The following RIN2 variants were observed in gnomAD, a reference collection of about 807,000 sequenced individuals.
The protein encoded by RIN2 is RAB5 interacting protein 2.
Under a neutral mutation model 78.0 loss-of-function variants are expected in RIN2, and 36 were observed. The ratio of observed to expected loss-of-function variants is 0.46; its 90% CI spans 0.35 to 0.61. The LOEUF (loss-of-function observed/expected upper bound fraction) is 0.61, where lower values mean the gene tolerates loss of function less well. RIN2 is among the 20% of genes least tolerant of loss of function. RIN2 has a pLI of 0.00. For synonymous variants in RIN2, 466 were observed against 466.8 expected (o/e 1.00, Z 0.02); for missense variants, 1,087 against 1,159.7 (o/e 0.94, Z 0.91).
intron 4 of RIN2, among the ~76,000 whole-genome samples, chr20:19,954,315 T>C (rs56347036): frequency 0.05 from 7,611 of 152,270 alleles, 634 homozygotes; most frequent in African/African-American, 0.17. Flanking sequence ...TGAGTTCCTT[T>C]GGGTTTAGAG....
At chr20:19,947,582 A>G (rs952875301) in intron 4 of RIN2, among the ~76,000 whole-genome samples, 8 of 152,214 alleles carry the variant, frequency 5.3e-5, no homozygotes, top group African/African-American at 1.7e-4. Flanking sequence ...TTATCACATG[A>G]TAATTAGCCC....
intron 7 of RIN2, among the ~76,000 whole-genome samples, chr20:19,967,262 A>T (rs2041969176): frequency 6.6e-6 from 1 of 152,218 alleles, no homozygotes; most frequent in African/African-American, 2.4e-5. Flanking sequence ...TACTTACAGG[A>T]AAACTCCAAA....
intron 2 of RIN2, among the ~76,000 whole-genome samples, chr20:19,855,795 G>T (rs904791837): frequency 6.6e-6 from 1 of 152,160 alleles, no homozygotes; most frequent in Non-Finnish European, 1.5e-5. Context: ...AAACATCTTG[G>T]CCAGGCATGG....
intron 4 of RIN2, among the ~76,000 whole-genome samples, chr20:19,949,051 G>C (rs566716298): frequency 6.8e-6 from 1 of 147,670 alleles, no homozygotes; most frequent in African/African-American, 2.5e-5. Flanking sequence ...AGGCCAAGGC[G>C]GGGGATTGCC....
intron 3 of RIN2, among the ~76,000 whole-genome samples, chr20:19,921,657 G>T (rs142536205): frequency 1.4e-4 from 22 of 152,310 alleles, no homozygotes; most frequent in Non-Finnish European, 2.8e-4. Flanking sequence ...AAGCAGGAAG[G>T]CTGGGGGTGT....
intron 2 of RIN2, among the ~76,000 whole-genome samples, chr20:19,806,665 G>A (rs2035417071): frequency 6.6e-6 from 1 of 152,198 alleles, no homozygotes; most frequent in Non-Finnish European, 1.5e-5. Context: ...GGGAGGCTGA[G>A]GTGGGATGAT....
intron 3 of RIN2, 44 bp downstream of exon 3, chr20:19,889,702 G>A: frequency 7.2e-7 from 1 of 1,395,856 alleles, no homozygotes; most frequent in Non-Finnish European, 9.6e-7. Context: ...TCGGCTTGCT[G>A]CCTGAGCCTG....
intron 2 of RIN2, among the ~76,000 whole-genome samples, chr20:19,859,531 A>T (rs915445956): frequency 1.5e-4 from 23 of 152,164 alleles, no homozygotes; most frequent in African/African-American, 5.3e-4. Context: ...TTTCTTGCCC[A>T]CTTTGAAGCA....
intron 11 of RIN2, among the ~76,000 whole-genome samples, chr20:19,992,964 G>A (rs952702062): frequency 6.6e-6 from 1 of 151,972 alleles, no homozygotes; most frequent in African/African-American, 2.4e-5. Context: ...CAGGGGTGTG[G>A]AATCTGTGCA....
chr20:19,980,044 C>CAAAAAAAAAAAAAA (rs56268489), intron 9 of RIN2, among the ~76,000 whole-genome samples: 1 of 72,702 alleles, frequency 1.4e-5, no homozygotes, highest in African/African-American at 5.2e-5. Context: ...AACTCCATCT[C>CAAAAAAAAAAAAAA]AAAAAAAAAA....
chr20:19,888,866 G>C (rs779789412), intron 2 of RIN2, among the ~76,000 whole-genome samples: 3 of 152,242 alleles, frequency 2.0e-5, no homozygotes, highest in Non-Finnish European at 4.4e-5. Context: ...TGATGCCCTA[G>C]CAGGGGAAAT....
At chr20:19,910,647 C>A (rs1320275735) in intron 3 of RIN2, among the ~76,000 whole-genome samples, 1 of 150,814 alleles carries the variant, frequency 6.6e-6, no homozygotes, top group African/African-American at 2.4e-5. Flanking sequence ...CGGCTCACTG[C>A]AGCCTCTGTC....
Position 19,975,321 on chromosome 20 carries a change from G to A in RIN2, c.1296G>A (p.Met432Ile), listed in dbSNP as rs1186429574. The change falls in exon 9 of 13, where the codon ATG becomes ATA. Residue 432 changes from methionine (M) to isoleucine (I), a missense_variant. Met to Ile is a conservative substitution (Grantham distance 10, BLOSUM62 1). This residue lies in a region of RIN2 where 706 missense variants were observed against 667.5 expected (regional missense o/e 1.06). Transcript: ENST00000255006. The surrounding 1 kb of genome is among the most constrained non-coding windows in gnomAD (Gnocchi z 4.9). ...CHGGRQRLSD[M>I]SISTSSSDSL... Reference sequence around the variant, plus strand: ...GAGGCCGGCAGCGGCTGAGCGACATGAGCATTTCTACTTCCTCCTCCGACT... The same window carrying A: ...GAGGCCGGCAGCGGCTGAGCGACATAAGCATTTCTACTTCCTCCTCCGACT... The A allele has an allele frequency of 4.3e-6, 7 of 1,610,128 alleles. No homozygotes were observed. The highest frequency in any genetic ancestry group is 4.5e-5 in the East Asian group (2 of 44,768).
chr20:19,851,274 A>G (rs2036972890), intron 2 of RIN2, among the ~76,000 whole-genome samples: 1 of 152,236 alleles, frequency 6.6e-6, no homozygotes, highest in South Asian at 2.1e-4. Flanking sequence ...TGGATGTGAC[A>G]CTAGGCCATA....
At chr20:19,934,295 TAGTG>T (rs1417475047) in intron 3 of RIN2, among the ~76,000 whole-genome samples, 4 of 152,120 alleles carry the variant, frequency 2.6e-5, no homozygotes, top group African/African-American at 7.2e-5. Flanking sequence ...TTTCAAAAAA[TAGTG>T]AGCAGAGTGG....
intron 8 of RIN2, among the ~76,000 whole-genome samples, chr20:19,973,141 A>T (rs1323386635): frequency 6.6e-6 from 1 of 152,244 alleles, no homozygotes; most frequent in Non-Finnish European, 1.5e-5. Flanking sequence ...GATTCTCATA[A>T]CCAAGTTCCA....
chr20:19,844,593 G>GCTGCTGCTGCTT (rs1568806843), intron 2 of RIN2, among the ~76,000 whole-genome samples: 6 of 64,064 alleles, frequency 9.4e-5, no homozygotes, highest in African/African-American at 2.6e-4. Context: ...TGCTGCTGCT[G>GCTGCTGCTGCTT]CTTCTTCCTC....
chr20:19,827,064 C>T lies in RIN2; in HGVS notation c.-37+27317C>T, dbSNP rs543771339. Among the ~76,000 whole-genome samples the T allele has an allele frequency of 1.6e-3, 237 of 151,466 alleles. 1 individual carries two copies. Among genetic ancestry groups the T allele is most frequent in the African/African-American group, 5.5e-3 (226 of 41,240 alleles). On this transcript the variant is annotated intron_variant, in intron 2 of 12. Transcript: ENST00000255006. ...AATCTAAGCTTACTGCAACCTCCGC[C>T]TCCTGGGTTCAAGTGATTCTCCTGC...
At chr20:19,844,888 C>T (rs575146998) in intron 2 of RIN2, among the ~76,000 whole-genome samples, 80 of 152,002 alleles carry the variant, frequency 5.3e-4, no homozygotes, top group African/African-American at 1.8e-3. Context: ...TCCACAGTCC[C>T]CCACCCCCCA....
Sources: allele counts gnomAD v4.1 joint callset (sites outside exome capture counted in the v4.1 genomes callset), GRCh38; gene constraint gnomAD v4.1.1; regional missense constraint gnomAD v4.1.1; non-coding constraint Gnocchi (gnomAD v3.1); transcripts MANE v1.5; gene names NCBI Gene and HGNC (gene_info 2026-07-23, HGNC 2026-07-21).